The following C8orf88 variants were observed in gnomAD, a reference collection of about 807,000 sequenced individuals.
C8orf88 encodes the protein chromosome 8 open reading frame 88.
C8orf88 carries 14 observed loss-of-function variants against 18.4 expected under a neutral mutation model. The observed-to-expected ratio is 0.76, with a 90% CI of 0.50 to 1.19. C8orf88 has a LOEUF of 1.19. C8orf88 is among the 50% of genes most tolerant of loss of function. The pLI, the probability that C8orf88 is intolerant of heterozygous loss-of-function variation, is 0.00. For missense variants in C8orf88, 116 were observed against 134.7 expected (o/e 0.86, Z 0.69); for synonymous variants, 45 against 42.9 (o/e 1.05, Z -0.19).
intron 3 of C8orf88, among the ~76,000 whole-genome samples, chr8:90,978,333 C>G (rs1355739403): frequency 6.6e-6 from 1 of 152,056 alleles, no homozygotes; most frequent in East Asian, 1.9e-4. Context: ...ATGGTAGAAG[C>G]ATATATATAG....
At position 90,971,140 on chromosome 8, in the gene C8orf88, C is replaced by T. The variant is rs1563553744; in HGVS notation, c.149G>A (p.Cys50Tyr). 2.0e-6 allele frequency: 3 copies of T among 1,477,596 alleles called. No homozygotes were observed. In the South Asian group the frequency reaches 4.1e-5, roughly 20 times the overall value. The allele number at this position is 1,477,596 out of a possible 1,614,324, so 91.5% of individuals were successfully genotyped here. A position where few individuals can be genotyped will look rare whatever the true frequency, so the allele number is the denominator to read the frequency against. Residue 50 changes from cysteine to tyrosine, a missense_variant and splice_region_variant, in exon 4 of 6, where the codon TGT (cysteine) becomes TAT (tyrosine). Physicochemically the swap from Cys to Tyr is radical, Grantham distance 194 (BLOSUM62 -2). Transcript: ENST00000517562. Reference sequence around the variant, plus strand: ...AAAGGCTTGCATTCCATTCGTCTTACACTGTTAAACATGAAGAAAATAAAC... The same window carrying T: ...AAAGGCTTGCATTCCATTCGTCTTATACTGTTAAACATGAAGAAAATAAAC... ...TQCIQSGVSRCKTNGMQAFSQ... is the reference protein window; with the variant it reads ...TQCIQSGVSRYKTNGMQAFSQ...
rs192753011 is a variant in C8orf88, at chr8:90,970,869, T to C, written c.223+197A>G. ...TAGAAAACCTAGTAATAAACTCCTA[T>C]CTTGTTTAAGCCATTGTATTCTGGT... On this transcript the variant is annotated intron_variant, in intron 4 of 5. Coordinates refer to ENST00000517562, the MANE Select transcript of C8orf88 (RefSeq NM_001190972.2). 2.0e-4 allele frequency among the ~76,000 whole-genome samples: 31 copies of C among 152,196 alleles called. No homozygotes were observed. In the East Asian group the frequency reaches 4.4e-3, roughly 22 times the overall value.
At chr8:90,983,149 A>C (rs1811456808) in intron 1 of C8orf88, among the ~76,000 whole-genome samples, 1 of 152,166 alleles carries the variant, frequency 6.6e-6, no homozygotes, top group African/African-American at 2.4e-5. Flanking sequence ...GTTACAAAAT[A>C]AACAGAATTC....
At chr8:90,971,254 G>A in intron 3 of C8orf88, 113 bp from the exon 4 acceptor site, 1 of 479,078 alleles carries the variant, frequency 2.1e-6, no homozygotes. Context: ...TAGGAGCTAA[G>A]TAATAAGCAA....
At chr8:90,977,166 C>A (rs1811362815) in intron 3 of C8orf88, among the ~76,000 whole-genome samples, 2 of 152,032 alleles carry the variant, frequency 1.3e-5, no homozygotes, top group Admixed American at 1.3e-4. Context: ...AATGGTCAAA[C>A]TAGACATATG....
In C8orf88 at chr8:90,980,463, T is replaced by A. The variant is rs893140411; in HGVS notation, c.-26-2A>T. 2.1e-5 allele frequency: 28 copies of A among 1,353,724 alleles called. No homozygotes were observed. The highest frequency in any genetic ancestry group is 2.7e-5 in the Non-Finnish European group (27 of 997,690). The allele number at this position is 1,353,724 out of a possible 1,614,324, so 83.9% of individuals were successfully genotyped here. A position where few individuals can be genotyped will look rare whatever the true frequency, so the allele number is the denominator to read the frequency against. ...TCACAAAGACTTTGAGGTTCCATACTAGAAGACAAAAAAATACATTTTTAT... is the reference window on the plus strand; with the variant it reads ...TCACAAAGACTTTGAGGTTCCATACAAGAAGACAAAAAAATACATTTTTAT... On this transcript the variant is annotated splice_acceptor_variant, in intron 1 of 5. Coordinates refer to ENST00000517562, the MANE Select transcript of C8orf88 (RefSeq NM_001190972.2). LOFTEE classifies it low-confidence loss of function (5UTR_SPLICE).
chr8:90,980,017 C>T (rs1054925491), intron 2 of C8orf88, among the ~76,000 whole-genome samples: 9 of 152,042 alleles, frequency 5.9e-5, no homozygotes, highest in Admixed American at 2.0e-4. Flanking sequence ...TAAATTCTCT[C>T]TCCAGCATGA....
chr8:90,959,074 C>A, intron 5 of C8orf88, 44 bp from the exon 6 acceptor site: 6 of 921,914 alleles, frequency 6.5e-6, no homozygotes, highest in Non-Finnish European at 9.7e-6. Flanking sequence ...TGATTGAATA[C>A]AGTTTTTACT....
intron 2 of C8orf88, among the ~76,000 whole-genome samples, chr8:90,979,149 A>G (rs1330838191): frequency 6.6e-6 from 1 of 152,080 alleles, no homozygotes; most frequent in Non-Finnish European, 1.5e-5. Context: ...ATAATTCCCT[A>G]CTCTGCGTCT....
At chr8:90,967,115 C>A (rs1811212122) in intron 4 of C8orf88, among the ~76,000 whole-genome samples, 1 of 151,766 alleles carries the variant, frequency 6.6e-6, no homozygotes, top group East Asian at 1.9e-4. Context: ...AAAGTGGGCA[C>A]CCTTATCTTG....
intron 2 of C8orf88, 37 bp from the exon 3 acceptor site, chr8:90,978,689 T>C (rs1339668091): frequency 1.7e-6 from 2 of 1,187,526 alleles, no homozygotes; most frequent in Admixed American, 4.6e-5. Context: ...CATAGATCTA[T>C]TATTTCAATA....
intron 4 of C8orf88, among the ~76,000 whole-genome samples, chr8:90,970,560 T>C (rs1169168907): frequency 6.6e-6 from 1 of 152,092 alleles, no homozygotes; most frequent in African/African-American, 2.4e-5. Flanking sequence ...TTTCCCAGTC[T>C]ACCCTGCCAG....
At chr8:90,983,559 T>A (rs1434673161) in intron 1 of C8orf88, among the ~76,000 whole-genome samples, 2 of 152,180 alleles carry the variant, frequency 1.3e-5, no homozygotes, top group Non-Finnish European at 2.9e-5. Context: ...TACAATGGGA[T>A]AATAAGCAGA....
At chr8:90,980,817 C>T (rs1368760486) in intron 1 of C8orf88, among the ~76,000 whole-genome samples, 1 of 152,080 alleles carries the variant, frequency 6.6e-6, no homozygotes, top group Non-Finnish European at 1.5e-5. Context: ...CTTAGCCTTC[C>T]AAATAGCTGG....
At chr8:90,969,362 C>A (rs531467206) in intron 4 of C8orf88, among the ~76,000 whole-genome samples, 1 of 151,698 alleles carries the variant, frequency 6.6e-6, no homozygotes, top group Non-Finnish European at 1.5e-5. Flanking sequence ...AGAAGCCAGA[C>A]ACAAAAGGTC....
chr8:90,974,620 T>C, intron 3 of C8orf88, among the ~76,000 whole-genome samples: 1 of 152,030 alleles, frequency 6.6e-6, no homozygotes, highest in East Asian at 1.9e-4. Context: ...TACTTTGTTA[T>C]GAAGAAATAA....
chr8:90,966,146 A>G (rs912997431), intron 4 of C8orf88, among the ~76,000 whole-genome samples: 1 of 151,728 alleles, frequency 6.6e-6, no homozygotes, highest in Admixed American at 6.6e-5. Context: ...AATGTGGCAC[A>G]TATACACCAT....
At chr8:90,972,475 T>C (rs79290712) in intron 3 of C8orf88, among the ~76,000 whole-genome samples, 11,840 of 151,976 alleles carry the variant, frequency 0.078, 459 homozygotes, top group Middle Eastern at 0.13. Context: ...TTTCACTAAG[T>C]GTGTAACATC....
At chr8:90,975,484 AT>A (rs1224591058) in intron 3 of C8orf88, among the ~76,000 whole-genome samples, 3 of 152,184 alleles carry the variant, frequency 2.0e-5, no homozygotes, top group East Asian at 1.9e-4. Context: ...ATCAAAAAAA[AT>A]TTTTTTAAAG....
Sources: gnomAD v4.1 joint callset for allele counts (sites outside exome capture counted in the v4.1 genomes callset) on GRCh38, gnomAD v4.1.1 for gene constraint, MANE v1.5 for transcripts, NCBI Gene and HGNC (gene_info 2026-07-23, HGNC 2026-07-21) for gene names.